The following SNX2 variants were observed in gnomAD, a reference collection of about 807,000 sequenced individuals.
SNX2 encodes the protein sorting nexin-2.
Under a neutral mutation model 69.9 loss-of-function variants are expected in SNX2, and 25 were observed. The observed-to-expected ratio is 0.36, with a 90% CI of 0.26 to 0.50. The LOEUF (loss-of-function observed/expected upper bound fraction) is 0.50. Ranked by LOEUF, SNX2 falls within the 20% of genes least tolerant of loss-of-function variation. The probability of loss-of-function intolerance (pLI) is 0.97; values close to 1 mark genes in which losing one functional copy is unlikely to be tolerated. For synonymous variants in SNX2, 229 were observed against 200.4 expected, an observed-to-expected ratio of 1.14 and a Z score of -1.20; for missense variants, 551 against 613.3, an observed-to-expected ratio of 0.90 and a Z score of 1.07.
At chr5:122,783,691 G>C (rs1753024104) in intron 1 of SNX2, among the ~76,000 whole-genome samples, 1 of 152,072 alleles carries the variant, frequency 6.6e-6, no homozygotes, top group South Asian at 2.1e-4. Context: ...TCTGAATCTT[G>C]AAATCAAGTC....
At chr5:122,825,868 T>C (rs1190942870) in intron 11 of SNX2, among the ~76,000 whole-genome samples, 182 bp from the exon 12 acceptor site, 2 of 152,116 alleles carry the variant, frequency 1.3e-5, no homozygotes, top group Non-Finnish European at 2.9e-5. Flanking sequence ...TTTTTTGTTT[T>C]AAGCAAATGA....
intron 1 of SNX2, among the ~76,000 whole-genome samples, chr5:122,784,552 C>T (rs1753040560): frequency 1.3e-5 from 2 of 151,602 alleles, no homozygotes; most frequent in Admixed American, 1.3e-4. Flanking sequence ...GATTTTCAAA[C>T]TGATTCAAAA....
At chr5:122,796,471 C>CAT (rs1008078575) in intron 2 of SNX2, among the ~76,000 whole-genome samples, 1 of 144,132 alleles carries the variant, frequency 6.9e-6, no homozygotes, top group African/African-American at 2.5e-5. Context: ...CAATCATCTT[C>CAT]TCTTTAAAAT....
At chr5:122,776,373 G>T (rs1273744675) in intron 1 of SNX2, among the ~76,000 whole-genome samples, 3 of 152,094 alleles carry the variant, frequency 2.0e-5, no homozygotes, top group African/African-American at 7.2e-5. Flanking sequence ...GTTTTCTGCA[G>T]CTTAGTGTTA....
chr5:122,809,884 C>T (rs2150011644), intron 7 of SNX2, among the ~76,000 whole-genome samples: 1 of 152,062 alleles, frequency 6.6e-6, no homozygotes, highest in African/African-American at 2.4e-5. Flanking sequence ...TGCAGTTACC[C>T]AGAAAAAGGA....
chr5:122,775,097 A>G lies in SNX2; in HGVS notation c.-7A>G, dbSNP rs999000307. 6.3e-7 allele frequency: 1 copy of G among 1,580,536 alleles called. No homozygotes were observed. The highest frequency in any genetic ancestry group is 8.6e-7 in the Non-Finnish European group (1 of 1,164,670). On this transcript the variant is annotated 5_prime_UTR_variant, in exon 1 of 15. Transcript: ENST00000379516. The stretch of plus-strand genomic sequence containing the variant: ...CCCAGCTCGCGCAGTCGTTCGGGTG[A>G]GCGAAGATGGCGGCCGAGAGGGAAC...
Position 122,829,706 on chromosome 5 carries a change from C to T in SNX2, c.*58C>T. On this transcript the variant is annotated 3_prime_UTR_variant, in exon 15 of 15. Transcript: ENST00000379516. Reference sequence around the variant, plus strand: ...ATGTTGTTCCAGTTATGCTGGATTCCACAGTGAAATCATTTAAAACCATCT... The same window carrying T: ...ATGTTGTTCCAGTTATGCTGGATTCTACAGTGAAATCATTTAAAACCATCT... 3.6e-6 allele frequency: 5 copies of T among 1,402,220 alleles called. No individual in the cohort carries two copies. Among genetic ancestry groups the T allele is most frequent in the Admixed American group, 3.4e-5 (2 of 59,180 alleles). The allele number at this position is 1,402,220 out of a possible 1,614,324, so 86.9% of individuals were successfully genotyped here. A position where few individuals can be genotyped will look rare whatever the true frequency, so the allele number is the denominator to read the frequency against.
chr5:122,787,716 G>A (rs762869382), intron 1 of SNX2, among the ~76,000 whole-genome samples: 9 of 152,042 alleles, frequency 5.9e-5, no homozygotes. Flanking sequence ...GTCCACTCTT[G>A]GGCTCTGGAC....
chr5:122,775,321 G>T (rs1009109502), intron 1 of SNX2, 110 bp downstream of exon 1: 2 of 1,426,702 alleles, frequency 1.4e-6, no homozygotes, highest in African/African-American at 2.9e-5. Flanking sequence ...GACCGTCTTG[G>T]GGTGACACCT....
Position 122,834,114 on chromosome 5 carries a change from G to C in SNX2, c.*4466G>C, listed in dbSNP as rs936486599. The C allele has an allele frequency of 1.3e-5, 2 of 152,162 alleles. No individual in the cohort carries two copies. Among genetic ancestry groups the C allele is most frequent in the African/African-American group, 4.8e-5 (2 of 41,438 alleles). 9.4% of individuals were successfully genotyped at this position (152,162 alleles called of 1,614,324 possible). A position where few individuals can be genotyped will look rare whatever the true frequency, so the allele number is the denominator to read the frequency against. On this transcript the variant is annotated 3_prime_UTR_variant, in exon 15 of 15. Coordinates refer to ENST00000379516, the MANE Select transcript of SNX2 (RefSeq NM_003100.4). ...ATGTGAACATTCTTTGAAAATGTATGATAAGCATTTCAAGATTTCTGTTTT... is the reference window on the plus strand; with the variant it reads ...ATGTGAACATTCTTTGAAAATGTATCATAAGCATTTCAAGATTTCTGTTTT...
rs767897080 is a variant in SNX2 at position 122,805,290 on chromosome 5, C to CA, written c.643+1694dup. Reference sequence around the variant, plus strand: ...TGGGCAGAAGAGCGAGACTCCATCTCAAAAAAAAAAAAAAAAAGAATTTTG... The same window carrying CA: ...TGGGCAGAAGAGCGAGACTCCATCTCAAAAAAAAAAAAAAAAAAGAATTTTG... On this transcript the variant is annotated intron_variant, in intron 6 of 14. Transcript: ENST00000379516. Among the ~76,000 whole-genome samples the CA allele has an allele frequency of 8.4e-3, 739 of 88,038 alleles. 12 individuals carry two copies. The highest frequency in any genetic ancestry group is 0.022 in the African/African-American group (515 of 23,040). The allele number at this position is 88,038 out of a possible 152,430, so 57.8% of individuals were successfully genotyped here. A position where few individuals can be genotyped will look rare whatever the true frequency, so the allele number is the denominator to read the frequency against.
intron 11 of SNX2, among the ~76,000 whole-genome samples, chr5:122,823,929 C>T (rs13170265): frequency 0.2 from 30,927 of 151,822 alleles, 3,580 homozygotes; most frequent in East Asian, 0.46. Flanking sequence ...TGGCCGGGCG[C>T]GGTGGCTCAT....
At chr5:122,823,159 AT>A (rs1204368038) in intron 11 of SNX2, among the ~76,000 whole-genome samples, 3 of 132,562 alleles carry the variant, frequency 2.3e-5, no homozygotes, top group African/African-American at 6.1e-5. Context: ...GTGTAAACTT[AT>A]CCCTCTTATA....
intron 6 of SNX2, among the ~76,000 whole-genome samples, chr5:122,807,530 C>G (rs1166825505): frequency 6.6e-6 from 1 of 152,118 alleles, no homozygotes; most frequent in African/African-American, 2.4e-5. Flanking sequence ...AAATTCCTTC[C>G]ACTTAGCATC....
chr5:122,779,827 A>G (rs151193734), intron 1 of SNX2, among the ~76,000 whole-genome samples: 5 of 152,042 alleles, frequency 3.3e-5, no homozygotes, highest in Admixed American at 2.0e-4. Flanking sequence ...TGCTGCTCCT[A>G]TCAACCCATC....
At chr5:122,781,799 T>C (rs567140160) in intron 1 of SNX2, among the ~76,000 whole-genome samples, 21 of 152,114 alleles carry the variant, frequency 1.4e-4, no homozygotes, top group Non-Finnish European at 2.5e-4. Flanking sequence ...TTAAATGCAA[T>C]GAATTTAAAA....
chr5:122,801,821 A>C (rs1171702569), intron 3 of SNX2, 48 bp from the exon 4 acceptor site: 2 of 1,176,670 alleles, frequency 1.7e-6, no homozygotes, highest in Non-Finnish European at 2.5e-6. Flanking sequence ...TCATGACAAT[A>C]ATTTAAATTA....
chr5:122,827,830 T>C (rs1171508624), intron 14 of SNX2, 184 bp downstream of exon 14: 7 of 561,596 alleles, frequency 1.2e-5, no homozygotes, highest in East Asian at 2.9e-5. Context: ...TGTTTTTTTT[T>C]TTTTTGCCTC....
Position 122,809,838 on chromosome 5 carries a change from A to G in SNX2, c.722+1483A>G, listed in dbSNP as rs543343662. ...TAAAGAATATGTAGTTTAAAATCTT[A>G]GAGAAGGCTTAAAGATGGGATTATG... On this transcript the variant is annotated intron_variant, in intron 7 of 14. Coordinates refer to ENST00000379516, the MANE Select transcript of SNX2 (RefSeq NM_003100.4). Among the ~76,000 whole-genome samples the G allele has an allele frequency of 7.9e-5, 12 of 152,328 alleles. No individual in the cohort carries two copies. The East Asian group carries it at 2.1e-3, about 27-fold the overall frequency.
Sources: allele counts gnomAD v4.1 joint callset (sites outside exome capture counted in the v4.1 genomes callset), GRCh38; gene constraint gnomAD v4.1.1; transcripts MANE v1.5; gene names NCBI Gene and HGNC (gene_info 2026-07-23, HGNC 2026-07-21).